The following ZNF407 variants were observed in gnomAD, a reference collection of about 807,000 sequenced individuals.
The protein encoded by ZNF407 is zinc finger protein 407.
In ZNF407, 17 loss-of-function variants were observed where a neutral mutation model predicts 131.2. That is an observed-to-expected ratio of 0.13 (90% confidence interval 0.09 to 0.19). ZNF407 has a LOEUF of 0.19. Ranked by LOEUF, ZNF407 falls within the 10% of genes least tolerant of loss-of-function variation. The pLI, the probability that ZNF407 is intolerant of heterozygous loss-of-function variation, is 1.00. For synonymous variants in ZNF407, 1,156 were observed against 1,062.0 expected (o/e 1.09, Z -1.72); for missense variants, 2,681 against 2,830.6 (o/e 0.95, Z 1.20).
intron 1 of ZNF407, among the ~76,000 whole-genome samples, chr18:74,607,821 G>T (rs1175730527): frequency 8.5e-5 from 13 of 152,222 alleles, no homozygotes; most frequent in Admixed American, 8.5e-4. Context: ...GATTAAAAGA[G>T]TAAGGGGGAA....
At chr18:74,617,633 A>G (rs1181470927) in intron 1 of ZNF407, among the ~76,000 whole-genome samples, 2 of 152,116 alleles carry the variant, frequency 1.3e-5, no homozygotes, top group Non-Finnish European at 2.9e-5. Flanking sequence ...TGTTGGCTGC[A>G]GTAATGACCA....
intron 8 of ZNF407, among the ~76,000 whole-genome samples, chr18:74,935,393 T>G (rs1972028602): frequency 6.6e-6 from 1 of 152,224 alleles, no homozygotes; most frequent in African/African-American, 2.4e-5. Context: ...AATGTGGTAC[T>G]TCTTGGTGTT....
At chr18:74,743,054 G>A (rs1252066493) in intron 3 of ZNF407, among the ~76,000 whole-genome samples, 5 of 152,136 alleles carry the variant, frequency 3.3e-5, no homozygotes, top group Non-Finnish European at 7.4e-5. Context: ...AATAATGCAA[G>A]CGTTGATGGA....
intron 3 of ZNF407, among the ~76,000 whole-genome samples, chr18:74,734,115 TGAC>T (rs1288231448): frequency 1.3e-5 from 2 of 152,186 alleles, no homozygotes; most frequent in Non-Finnish European, 2.9e-5. Context: ...GTGTCAGTGT[TGAC>T]AAGTCGTACG....
intron 3 of ZNF407, among the ~76,000 whole-genome samples, chr18:74,671,461 TA>T (rs1202694660): frequency 6.6e-6 from 1 of 152,162 alleles, no homozygotes; most frequent in African/African-American, 2.4e-5. Context: ...ACTCTGGTAT[TA>T]AACCTAGTAC....
intron 4 of ZNF407, among the ~76,000 whole-genome samples, chr18:74,809,407 A>G (rs538705408): frequency 3.3e-5 from 5 of 152,336 alleles, no homozygotes; most frequent in African/African-American, 9.6e-5. Flanking sequence ...CTTTATAGAA[A>G]TATGTACAAA....
chr18:74,704,905 T>G (rs1325405776), intron 3 of ZNF407, among the ~76,000 whole-genome samples: 1 of 152,214 alleles, frequency 6.6e-6, no homozygotes, highest in Non-Finnish European at 1.5e-5. Context: ...CAGAAATATG[T>G]CTCATTAATA....
intron 1 of ZNF407, among the ~76,000 whole-genome samples, chr18:74,626,120 A>G (rs1012900201): frequency 3.3e-5 from 5 of 152,258 alleles, no homozygotes; most frequent in African/African-American, 7.2e-5. Flanking sequence ...AACAAAGCAC[A>G]TTAAAAAGTA....
At chr18:74,750,896 A>G (rs1251648577) in intron 3 of ZNF407, among the ~76,000 whole-genome samples, 1 of 152,148 alleles carries the variant, frequency 6.6e-6, no homozygotes, top group Non-Finnish European at 1.5e-5. Context: ...GAAGTGATAT[A>G]TCATTGACGT....
At chr18:74,609,550 A>T (rs1313053501) in intron 1 of ZNF407, among the ~76,000 whole-genome samples, 2 of 152,236 alleles carry the variant, frequency 1.3e-5, no homozygotes, top group African/African-American at 4.8e-5. Context: ...AGCACTTACC[A>T]TGATGGAGCT....
intron 4 of ZNF407, among the ~76,000 whole-genome samples, chr18:74,799,903 C>CTTTT (rs35021931): frequency 7.6e-6 from 1 of 131,406 alleles, no homozygotes; most frequent in African/African-American, 2.9e-5. Flanking sequence ...AAAAAAAATC[C>CTTTT]TTTTTTTTTT....
intron 3 of ZNF407, among the ~76,000 whole-genome samples, chr18:74,762,050 T>A (rs1053438062): frequency 1.3e-5 from 2 of 152,114 alleles, no homozygotes; most frequent in African/African-American, 4.8e-5. Context: ...TCTCTCTCTC[T>A]CTTTTAGTTA....
intron 8 of ZNF407, among the ~76,000 whole-genome samples, chr18:74,929,289 GC>G (rs1971953697): frequency 6.6e-6 from 1 of 152,082 alleles, no homozygotes; most frequent in Non-Finnish European, 1.5e-5. Flanking sequence ...AGGTCACCCA[GC>G]CACGTGGCAT....
In ZNF407 at chr18:74,921,623, A is replaced by G. The variant is rs571654336; in HGVS notation, c.5428+931A>G. ...TGAGGTTTCCCATACGTAAATCTGC[A>G]TGATAGTACCTACTAATAGGGTCAT... is the stretch of plus-strand genomic sequence containing the variant. On this transcript the variant is annotated intron_variant, in intron 8 of 8. Transcript: ENST00000299687. 2.8e-3 allele frequency among the ~76,000 whole-genome samples: 427 copies of G among 152,352 alleles called. 1 individual carries two copies. The highest frequency in any genetic ancestry group is 8.4e-3 in the African/African-American group (349 of 41,582).
At chr18:74,926,771 C>T (rs983981732) in intron 8 of ZNF407, among the ~76,000 whole-genome samples, 1 of 152,200 alleles carries the variant, frequency 6.6e-6, no homozygotes, top group African/African-American at 2.4e-5. Flanking sequence ...CATTGCACTC[C>T]TGCCTGGGCG....
chr18:74,897,540 G>T (rs574459155), intron 7 of ZNF407, among the ~76,000 whole-genome samples: 1 of 152,256 alleles, frequency 6.6e-6, no homozygotes, highest in Admixed American at 6.5e-5. Flanking sequence ...CTTTCTACAA[G>T]GAATTACTAT....
intron 3 of ZNF407, among the ~76,000 whole-genome samples, chr18:74,690,477 G>A (rs1471251876): frequency 6.7e-6 from 1 of 149,128 alleles, no homozygotes; most frequent in Non-Finnish European, 1.5e-5. Context: ...TATTATTTTT[G>A]CCAGGAAGTT....
chr18:75,020,465 G>A (rs1328865313), intron 8 of ZNF407, among the ~76,000 whole-genome samples: 7 of 152,130 alleles, frequency 4.6e-5, no homozygotes, highest in African/African-American at 1.7e-4. Flanking sequence ...GAACAAGATT[G>A]TATGTGATGA....
chr18:74,911,599 C>T (rs917577569), intron 7 of ZNF407, among the ~76,000 whole-genome samples: 9 of 152,126 alleles, frequency 5.9e-5, no homozygotes, highest in African/African-American at 9.7e-5. Context: ...TGAGTGCACA[C>T]ATCCACAAAA....
Sources: allele counts gnomAD v4.1 joint callset (sites outside exome capture counted in the v4.1 genomes callset), GRCh38; gene constraint gnomAD v4.1.1; transcripts MANE v1.5; gene names NCBI Gene and HGNC (gene_info 2026-07-23, HGNC 2026-07-21).